The following TFAP2B variants were observed in gnomAD, a reference collection of about 807,000 sequenced individuals.
TFAP2B encodes transcription factor AP-2-beta.
A neutral mutation model predicts 44.3 loss-of-function variants in TFAP2B; 9 were observed. The observed-to-expected ratio is 0.20, with a 90% CI of 0.12 to 0.35. The LOEUF is 0.35. Among genes scored for constraint, TFAP2B ranks in the 10% least tolerant of loss-of-function variants. TFAP2B has a pLI of 1.00. For synonymous variants in TFAP2B, 270 were observed against 263.8 expected, an observed-to-expected ratio of 1.02 and a Z score of -0.23; for missense variants, 509 against 600.0, an observed-to-expected ratio of 0.85 and a Z score of 1.59.
At chr6:50,830,341 A>G in intron 3 of TFAP2B, 1 of 980,154 alleles carries the variant, frequency 1.0e-6, no homozygotes, top group South Asian at 4.7e-5. Context: ...CTAGCAAAAC[A>G]GAGCTGAAGA....
chr6:50,823,387 C>A lies in TFAP2B; in HGVS notation c.82-20C>A. 6.4e-7 allele frequency: 1 copy of A among 1,564,846 alleles called. No individual in the cohort carries two copies. The highest frequency in any genetic ancestry group is 8.7e-7 in the Non-Finnish European group (1 of 1,154,292). ...TGTCTCCTTCTCTGGCTCTCTTCCC[C>A]TTCCTCTCTCCGCTCCCAGGACCGG... On this transcript the variant is annotated intron_variant, in intron 1 of 6. Coordinates refer to ENST00000393655, the MANE Select transcript of TFAP2B (RefSeq NM_003221.4).
Position 50,836,285 on chromosome 6 carries a change from C to T in TFAP2B, c.821+5C>T, listed in dbSNP as rs757711987. ...CCTCGGCGGAGTCCTCAGAAGGTAA[C>T]CCCACCACGAAAAACAAAAACAAAA... On this transcript the variant is annotated splice_donor_5th_base_variant and intron_variant, in intron 4 of 6. Transcript: ENST00000393655. 20 of 1,608,856 alleles carry T rather than the reference C, an allele frequency of 1.2e-5. No homozygotes were observed. The highest frequency in any genetic ancestry group is 1.5e-5 in the Non-Finnish European group (18 of 1,177,084).
Position 50,843,444 on chromosome 6 carries a change from G to A in TFAP2B, c.*52G>A. 1 of 1,548,856 alleles carries A rather than the reference G, an allele frequency of 6.5e-7. No homozygotes were observed. Among genetic ancestry groups the A allele is most frequent in the Non-Finnish European group, 8.8e-7 (1 of 1,140,716 alleles). ...TGTTTTAAATACAAAAGGAAAAACA[G>A]ACAAAAATTTAATTTTAGCTTTAAA... is the stretch of plus-strand genomic sequence containing the variant. On this transcript the variant is annotated 3_prime_UTR_variant, in exon 7 of 7. Coordinates refer to ENST00000393655, the MANE Select transcript of TFAP2B (RefSeq NM_003221.4).
intron 3 of TFAP2B, among the ~76,000 whole-genome samples, chr6:50,835,593 T>C (rs1762603633): frequency 1.3e-5 from 2 of 152,206 alleles, no homozygotes; most frequent in Non-Finnish European, 2.9e-5. Flanking sequence ...TCCATTGGAA[T>C]TACCATTTTA....
In TFAP2B at chr6:50,836,154, C is replaced by G; in HGVS notation, c.695C>G (p.Ser232Cys). The change falls in exon 4 of 7, where the codon TCC becomes TGC. Residue 232 changes from serine (S) to cysteine (C), a missense_variant. By Grantham distance (112) the Ser-to-Cys change is moderately radical (BLOSUM62 -1). Coordinates refer to ENST00000393655, the MANE Select transcript of TFAP2B (RefSeq NM_003221.4). Reference sequence around the variant, plus strand: ...GTCAACACCGGCGAGGTGTTTTGCTCCGTCCCAGGCCGTTTGTCTCTGCTC... The same window carrying G: ...GTCAACACCGGCGAGGTGTTTTGCTGCGTCCCAGGCCGTTTGTCTCTGCTC... ...MSVNTGEVFC[S>C]VPGRLSLLSS... 3.1e-6 allele frequency: 5 copies of G among 1,614,148 alleles called. No individual in the cohort carries two copies. The East Asian group carries it at 8.9e-5, about 29-fold the overall frequency.
rs1159773258 is a variant in TFAP2B at position 50,845,428 on chromosome 6, A to C, written c.*2036A>C. The C allele has an allele frequency of 6.6e-6, 1 of 152,282 alleles. No individual in the cohort carries two copies. The highest frequency in any genetic ancestry group is 1.5e-5 in the Non-Finnish European group (1 of 68,112). The allele number at this position is 152,282 out of a possible 1,614,324, so 9.4% of individuals were successfully genotyped here. On this transcript the variant is annotated 3_prime_UTR_variant, in exon 7 of 7. Coordinates refer to ENST00000393655, the MANE Select transcript of TFAP2B (RefSeq NM_003221.4). Reference sequence around the variant, plus strand: ...GTTAGGAAGCTCGTCTCAGGTCACCAAAAGGGCCCAAGCAACTGTTAGGGC... The same window carrying C: ...GTTAGGAAGCTCGTCTCAGGTCACCCAAAGGGCCCAAGCAACTGTTAGGGC...
Position 50,845,347 on chromosome 6 carries a change from G to C in TFAP2B, c.*1955G>C, listed in dbSNP as rs1762824510. On this transcript the variant is annotated 3_prime_UTR_variant, in exon 7 of 7. Transcript: ENST00000393655. ...GATTGGGGGAGTGGGGATTGCGTTG[G>C]GGTTTTAGGAATCTGCTGAGAGCTT... The C allele has an allele frequency of 6.6e-6, 1 of 152,104 alleles. No individual in the cohort carries two copies. Among genetic ancestry groups the C allele is most frequent in the Non-Finnish European group, 1.5e-5 (1 of 68,028 alleles). The allele number at this position is 152,104 out of a possible 1,614,324, so 9.4% of individuals were successfully genotyped here.
intron 3 of TFAP2B, among the ~76,000 whole-genome samples, chr6:50,830,122 A>G (rs1231807215): frequency 6.6e-6 from 1 of 152,066 alleles, no homozygotes; most frequent in Non-Finnish European, 1.5e-5. Flanking sequence ...CTGGTTGATT[A>G]GGGTGGGGTC....
At chr6:50,823,261 C>T (rs1472118065) in intron 1 of TFAP2B, 146 bp from the exon 2 acceptor site, 2 of 768,414 alleles carry the variant, frequency 2.6e-6, no homozygotes, top group Non-Finnish European at 4.5e-6. Flanking sequence ...TCCCTTGTCC[C>T]GGGAAGAGCG....
chr6:50,842,053 G>C (rs189916322), intron 6 of TFAP2B, among the ~76,000 whole-genome samples: 3 of 152,280 alleles, frequency 2.0e-5, no homozygotes, highest in African/African-American at 7.2e-5. Flanking sequence ...TCTGTGAGTC[G>C]GGCCAACCCA....
Position 50,840,235 on chromosome 6 carries a change from G to T in TFAP2B, c.1020G>T (p.Leu340Phe). Residue 340 changes from leucine (L) to phenylalanine (F), a missense_variant, in exon 6 of 7, where the codon TTG becomes TTT. Physicochemically the swap from Leu to Phe is conservative, Grantham distance 22. This residue lies in a region of TFAP2B where 168 missense variants were observed against 183.2 expected (regional missense o/e 0.92). Coordinates refer to ENST00000393655, the MANE Select transcript of TFAP2B (RefSeq NM_003221.4). ...CCGCCAAAGCCGTCTCTGAGTATTT[G>T]AACCGGCAGCACACAGACCCGAGTG... ...EFPAKAVSEY[L>F]NRQHTDPSDL... 1 of 1,614,134 alleles carries T rather than the reference G, an allele frequency of 6.2e-7. No homozygotes were observed.
At chr6:50,818,748 G>C, upstream of TFAP2B, 1 of 707,442 alleles carries the variant, frequency 1.4e-6, no homozygotes, top group South Asian at 1.7e-5. Context: ...AGGCTTACTT[G>C]TCCAGCCTAT....
At chr6:50,828,777 A>G (rs1382723903) in intron 3 of TFAP2B, 98 bp downstream of exon 3, 2 of 1,384,830 alleles carry the variant, frequency 1.4e-6, no homozygotes, top group Non-Finnish European at 2.1e-6. Flanking sequence ...ATTTGACAAG[A>G]CATAAATGTT....
At chr6:50,834,594 C>T (rs1178955620) in intron 3 of TFAP2B, among the ~76,000 whole-genome samples, 1 of 152,188 alleles carries the variant, frequency 6.6e-6, no homozygotes. Context: ...ATACTGGAAT[C>T]TGTGGTAGAG....
intron 4 of TFAP2B, among the ~76,000 whole-genome samples, chr6:50,836,697 A>T (rs762740804): frequency 6.6e-6 from 1 of 151,224 alleles, no homozygotes; most frequent in East Asian, 1.9e-4. Context: ...TCATGAAGCA[A>T]CTCTCTTCAT....
At chr6:50,842,985 G>T in intron 6 of TFAP2B, 107 bp from the exon 7 acceptor site, 2 of 1,455,882 alleles carry the variant, frequency 1.4e-6, no homozygotes, top group South Asian at 2.3e-5. Context: ...CATTAGCCTC[G>T]CTCTTCGGTG....
rs1770428058 is a variant in TFAP2B at position 50,823,803 on chromosome 6, G to T, written c.478G>T (p.Ala160Ser). The T allele has an allele frequency of 6.3e-7, 1 of 1,578,300 alleles. No individual in the cohort carries two copies. The highest frequency in any genetic ancestry group is 8.6e-7 in the Non-Finnish European group (1 of 1,162,148). ...GCATTCGGCGCACCACGGCCTGGACGCGGGCATGGGTGACAGCCTCTCGCT... is the reference window on the plus strand; with the variant it reads ...GCATTCGGCGCACCACGGCCTGGACTCGGGCATGGGTGACAGCCTCTCGCT... ...LLHSAHHGLD[A>S]GMGDSLSLHG... The change falls in exon 2 of 7, where the codon GCG becomes TCG. Residue 160 changes from alanine (A) to serine (S), a missense_variant. Ala to Ser is a moderately conservative substitution (Grantham distance 99, BLOSUM62 1). Around this residue, in one of 3 missense-constraint regions of TFAP2B, gnomAD observed 296 missense variants for 308.2 expected, o/e 0.96. Transcript: ENST00000393655.
At position 50,846,244 on chromosome 6, in the gene TFAP2B, C is replaced by T. The variant is rs1192796637; in HGVS notation, c.*2852C>T. ...TGAGCCCACTACCCCTTCTCCCTCC[C>T]TCACTTCTCCTTTCATGTAGGACCC... On this transcript the variant is annotated 3_prime_UTR_variant, in exon 7 of 7. Coordinates refer to ENST00000393655, the MANE Select transcript of TFAP2B (RefSeq NM_003221.4). 3.3e-5 allele frequency: 5 copies of T among 152,566 alleles called. No individual in the cohort carries two copies. Among genetic ancestry groups the T allele is most frequent in the African/African-American group, 1.2e-4 (5 of 41,394 alleles). 9.5% of individuals were successfully genotyped at this position (152,566 alleles called of 1,614,324 possible).
intron 4 of TFAP2B, among the ~76,000 whole-genome samples, chr6:50,837,756 A>T (rs954101610): frequency 4.6e-5 from 7 of 150,716 alleles, no homozygotes; most frequent in Admixed American, 4.0e-4. Flanking sequence ...TTTTCTCACA[A>T]GATAAAAAAA....
Sources: gnomAD v4.1 joint callset for allele counts (sites outside exome capture counted in the v4.1 genomes callset) on GRCh38, gnomAD v4.1.1 for gene constraint, gnomAD v4.1.1 regional missense constraint, MANE v1.5 for transcripts, NCBI Gene and HGNC (gene_info 2026-07-23, HGNC 2026-07-21) for gene names.